The following ZNF146 variants were observed in gnomAD, a reference collection of about 807,000 sequenced individuals.
The protein encoded by ZNF146 is zinc finger protein 146, also known as zinc finger protein OZF.
In ZNF146, 9 loss-of-function variants were observed where a neutral mutation model predicts 22.2. The ratio of observed to expected loss-of-function variants is 0.41; its 90% CI spans 0.24 to 0.71. The LOEUF is 0.71. Ranked by LOEUF, ZNF146 falls within the 30% of genes least tolerant of loss-of-function variation. ZNF146 has a pLI of 0.34. For synonymous variants in ZNF146, 108 were observed against 119.2 expected (o/e 0.91, Z 0.61); for missense variants, 194 against 344.8 (o/e 0.56, Z 3.46).
chr19:36,215,820 C>G lies in ZNF146; in HGVS notation c.-929+624C>G, dbSNP rs74852138. Among the ~76,000 whole-genome samples the G allele has an allele frequency of 8.4e-3, 1,283 of 152,258 alleles. 29 individuals carry two copies. Among genetic ancestry groups the G allele is most frequent in the East Asian group, 0.081 (420 of 5,182 alleles). On this transcript the variant is annotated intron_variant, in intron 1 of 3. Coordinates refer to ENST00000443387, the MANE Select transcript of ZNF146 (RefSeq NM_007145.3). Reference sequence around the variant, plus strand: ...CGCTTTGAGAAGCAATCCCATATAACGGCGCCCAGGATGAGGGAGTCAACG... The same window carrying G: ...CGCTTTGAGAAGCAATCCCATATAAGGGCGCCCAGGATGAGGGAGTCAACG...
At chr19:36,220,356 TTTTTAATTTAATTTTATTTTA>T (rs1976781219) in intron 2 of ZNF146, among the ~76,000 whole-genome samples, 1 of 126,264 alleles carries the variant, frequency 7.9e-6, no homozygotes, top group African/African-American at 2.6e-5. Flanking sequence ...CTAGTTCTTT[TTTTTAATTTAATTTTATTTTA>T]TTTTTGAGAC....
At chr19:36,225,914 C>T (rs1367859927) in intron 2 of ZNF146, among the ~76,000 whole-genome samples, 1 of 151,932 alleles carries the variant, frequency 6.6e-6, no homozygotes, top group East Asian at 1.9e-4. Context: ...GCATGTACCA[C>T]CCCACACCCT....
At chr19:36,230,619 A>G (rs1165991221) in intron 3 of ZNF146, among the ~76,000 whole-genome samples, 2 of 152,164 alleles carry the variant, frequency 1.3e-5, no homozygotes, top group Non-Finnish European at 2.9e-5. Flanking sequence ...AAAAGTGTTA[A>G]AAGCCCTAAG....
At chr19:36,220,928 T>C (rs946542437) in intron 2 of ZNF146, among the ~76,000 whole-genome samples, 1 of 151,602 alleles carries the variant, frequency 6.6e-6, no homozygotes, top group African/African-American at 2.4e-5. Context: ...CTTGGCTCAC[T>C]TGCAACATCT....
At chr19:36,235,081 C>T (rs904020072) in intron 3 of ZNF146, among the ~76,000 whole-genome samples, 5 of 151,872 alleles carry the variant, frequency 3.3e-5, no homozygotes, top group Non-Finnish European at 7.4e-5. Context: ...TGGTGGTGCA[C>T]ACCTGTAATC....
rs537087302 is a variant in ZNF146, at chr19:36,224,885, T to A, written c.-854-3863T>A. 3.9e-5 allele frequency among the ~76,000 whole-genome samples: 6 copies of A among 152,338 alleles called. 1 individual carries two copies. In the South Asian group the frequency reaches 1.2e-3, roughly 32 times the overall value. On this transcript the variant is annotated intron_variant, in intron 2 of 3. Coordinates refer to ENST00000443387, the MANE Select transcript of ZNF146 (RefSeq NM_007145.3). ...GGACACTTCTTACTAAGTTTATTTCTGGATGTTTTGTTTTATGTTGCTATG... is the reference window on the plus strand; with the variant it reads ...GGACACTTCTTACTAAGTTTATTTCAGGATGTTTTGTTTTATGTTGCTATG...
intron 3 of ZNF146, among the ~76,000 whole-genome samples, chr19:36,234,360 T>TC (rs1296411073): frequency 6.6e-6 from 1 of 151,046 alleles, no homozygotes; most frequent in Non-Finnish European, 1.5e-5. Context: ...CAAGACTGTC[T>TC]CAAAAAAAAA....
At chr19:36,219,826 TC>T in intron 2 of ZNF146, among the ~76,000 whole-genome samples, 1 of 152,340 alleles carries the variant, frequency 6.6e-6, no homozygotes, top group South Asian at 2.1e-4. Context: ...AAGAGAAACT[TC>T]TGGGAACAAA....
chr19:36,232,640 C>T lies in ZNF146; in HGVS notation c.-782-3019C>T, dbSNP rs773206497. Among the ~76,000 whole-genome samples the T allele has an allele frequency of 9.3e-5, 14 of 150,052 alleles. 1 individual carries two copies. Among genetic ancestry groups the T allele is most frequent in the Admixed American group, 2.0e-4 (3 of 15,038 alleles). ...TTTTTTTTTCCCGAGACATAGTCTC[C>T]CTCTGTCACCCAGGCTGGAGTGCAG... On this transcript the variant is annotated intron_variant, in intron 3 of 3. Transcript: ENST00000443387.
In ZNF146 at chr19:36,231,370, C is replaced by T. The variant is rs934144360; in HGVS notation, c.-783+2551C>T. 3.3e-5 allele frequency among the ~76,000 whole-genome samples: 5 copies of T among 152,114 alleles called. No individual in the cohort carries two copies. In the South Asian group the frequency reaches 8.3e-4, roughly 25 times the overall value. On this transcript the variant is annotated intron_variant, in intron 3 of 3. Transcript: ENST00000443387. ...GACTACAGGTGCCCACCACCACACCCGGCTAATTTTTGTATTTTTTTGGTA... is the reference window on the plus strand; with the variant it reads ...GACTACAGGTGCCCACCACCACACCTGGCTAATTTTTGTATTTTTTTGGTA...
chr19:36,225,783 C>T (rs1195041529), intron 2 of ZNF146, among the ~76,000 whole-genome samples: 1 of 94,586 alleles, frequency 1.1e-5, no homozygotes, highest in Non-Finnish European at 2.0e-5. Flanking sequence ...TTTTTTGAGA[C>T]AGGGTCTTGC....
In ZNF146 at chr19:36,221,847, T is replaced by C. The variant is rs138360094; in HGVS notation, c.-855+3652T>C. 4.2e-3 allele frequency among the ~76,000 whole-genome samples: 635 copies of C among 151,988 alleles called. 7 individuals are homozygous for C. The highest frequency in any genetic ancestry group is 0.015 in the African/African-American group (609 of 41,472). ...GTTTCCCTCCACCTTACATAAAAGA[T>C]AGCATACCACATGCACCTCCCTATA... On this transcript the variant is annotated intron_variant, in intron 2 of 3. Transcript: ENST00000443387.
chr19:36,216,264 C>T (rs1349708428), intron 1 of ZNF146, among the ~76,000 whole-genome samples: 1 of 152,138 alleles, frequency 6.6e-6, no homozygotes, highest in Non-Finnish European at 1.5e-5. Flanking sequence ...TAAAATACTA[C>T]TAAGGGGCAT....
rs188204161 is a variant in ZNF146, at chr19:36,226,310, C to T, written c.-854-2438C>T. On this transcript the variant is annotated intron_variant, in intron 2 of 3. Coordinates refer to ENST00000443387, the MANE Select transcript of ZNF146 (RefSeq NM_007145.3). Reference sequence around the variant, plus strand: ...TCTCGTGTTTCTGTCATGTATGTTTCGGTTTAAATCATGCTCTAAGCCTTA... The same window carrying T: ...TCTCGTGTTTCTGTCATGTATGTTTTGGTTTAAATCATGCTCTAAGCCTTA... 4.3e-4 allele frequency among the ~76,000 whole-genome samples: 65 copies of T among 152,296 alleles called. 2 individuals are homozygous for T. The highest frequency in any genetic ancestry group is 4.1e-3 in the Admixed American group (62 of 15,294).
intron 3 of ZNF146, among the ~76,000 whole-genome samples, chr19:36,233,945 T>C (rs1198789073): frequency 6.8e-6 from 1 of 147,256 alleles, no homozygotes; most frequent in Non-Finnish European, 1.5e-5. Flanking sequence ...GTCAGGTCTT[T>C]CCCTTCCCGC....
Position 36,236,273 on chromosome 19 carries a change from C to T in ZNF146, c.-168C>T. 1 of 796,860 alleles carries T rather than the reference C, an allele frequency of 1.3e-6. No homozygotes were observed. The highest frequency in any genetic ancestry group is 2.2e-5 in the South Asian group (1 of 45,402). The allele number at this position is 796,860 out of a possible 1,614,324, so 49.4% of individuals were successfully genotyped here. ...GCATTGAATATACTGAGTATGATAA[C>T]ATTTCCTCTCAAACCTTATCCCTTA... On this transcript the variant is annotated 5_prime_UTR_variant, in exon 4 of 4. Coordinates refer to ENST00000443387, the MANE Select transcript of ZNF146 (RefSeq NM_007145.3).
rs1274859644 is a variant in ZNF146, at chr19:36,237,246, A to G, written c.806A>G (p.Gln269Arg). 6.2e-7 allele frequency: 1 copy of G among 1,614,124 alleles called. No homozygotes were observed. ...ATACACACAGGTAAGAAGCCTTATC[A>G]GTGCAGTGAATGTGGGAAAGCTTTC... ...LRIHTGKKPY[Q>R]CSECGKAFSQ... The change falls in exon 4 of 4, where the codon CAG (glutamine) becomes CGG (arginine). Residue 269 changes from glutamine (Q) to arginine (R), a missense_variant. Transcript: ENST00000443387.
At chr19:36,233,139 T>C (rs1977462260) in intron 3 of ZNF146, among the ~76,000 whole-genome samples, 1 of 152,200 alleles carries the variant, frequency 6.6e-6, no homozygotes, top group Non-Finnish European at 1.5e-5. Flanking sequence ...GTGCCAGCAC[T>C]TGGGAGGCAG....
At chr19:36,226,476 A>G (rs1031106888) in intron 2 of ZNF146, among the ~76,000 whole-genome samples, 1 of 152,226 alleles carries the variant, frequency 6.6e-6, no homozygotes, top group African/African-American at 2.4e-5. Flanking sequence ...GAGTTGGAAT[A>G]GTACAGAGAA....
Sources: gnomAD v4.1 joint callset for allele counts (sites outside exome capture counted in the v4.1 genomes callset) on GRCh38, gnomAD v4.1.1 for gene constraint, MANE v1.5 for transcripts, NCBI Gene and HGNC (gene_info 2026-07-23, HGNC 2026-07-21) for gene names.